FABP3: variants seen among roughly 807,000 people sequenced by gnomAD.
The protein encoded by FABP3 is fatty acid binding protein 3, also known as fatty acid-binding protein, heart.
FABP3 carries 8 observed loss-of-function variants against 13.4 expected under a neutral mutation model. The ratio of observed to expected loss-of-function variants is 0.60; its 90% confidence interval spans 0.35 to 1.07. The LOEUF (loss-of-function observed/expected upper bound fraction) is 1.07, where lower values mean the gene tolerates loss of function less well. FABP3 is among the 50% of genes least tolerant of loss of function. The pLI is 0.02. For synonymous variants in FABP3, 64 were observed against 60.0 expected (o/e 1.07, Z -0.31); for missense variants, 135 against 164.7 (o/e 0.82, Z 0.99).
At chr1:31,367,863 T>G (rs548699734) in intron 2 of FABP3, among the ~76,000 whole-genome samples, 2 of 152,238 alleles carry the variant, frequency 1.3e-5, no homozygotes, top group Non-Finnish European at 2.9e-5. Flanking sequence ...TGGGATTTAC[T>G]AGTCTATCCC....
At chr1:31,363,337 C>G (rs1406984223), downstream of FABP3, among the ~76,000 whole-genome samples, 1 of 152,156 alleles carries the variant, frequency 6.6e-6, no homozygotes, top group Non-Finnish European at 1.5e-5. Context: ...GCACCTGCCA[C>G]CACGCCTGGC....
At chr1:31,364,458 T>G, downstream of FABP3, 1 of 498,256 alleles carries the variant, frequency 2.0e-6, no homozygotes, top group South Asian at 4.3e-5. Context: ...CCAACTTCCT[T>G]CATTCAGCAG....
chr1:31,363,974 A>G (rs1459050069), downstream of FABP3: 2 of 1,586,110 alleles, frequency 1.3e-6, no homozygotes, highest in East Asian at 2.2e-5. Flanking sequence ...ATTATGTGCT[A>G]TGATTGTTAA....
At chr1:31,360,166 T>G in the FABP3 span, among the ~76,000 whole-genome samples, 1 of 136,738 alleles carries the variant, frequency 7.3e-6, no homozygotes, top group Non-Finnish European at 1.5e-5. Flanking sequence ...TGTGTGTGCG[T>G]GTTTTGTTTT....
At chr1:31,365,998 C>A in intron 3 of FABP3, 59 bp from the exon 4 acceptor site, 1 of 1,451,074 alleles carries the variant, frequency 6.9e-7, no homozygotes, top group Non-Finnish European at 9.6e-7. Context: ...TGCGAGCATT[C>A]TACCCTCCCT....
rs753162707 is a variant in FABP3, at chr1:31,367,415, A to C, written c.326T>G (p.Leu109Arg). The C allele has an allele frequency of 6.2e-7, 1 of 1,614,044 alleles. No individual in the cohort carries two copies. The highest frequency in any genetic ancestry group is 1.3e-5 in the African/African-American group (1 of 74,924). Reference sequence around the variant, plus strand: ...TACCAGGATGAGTTTTCCATCAATTAGCTCCCGCACAAGTGTGGTCTCTTG... The same window carrying C: ...TACCAGGATGAGTTTTCCATCAATTCGCTCCCGCACAAGTGTGGTCTCTTG... Reference protein sequence around the residue: ...DGQETTLVRELIDGKLILTLT... With the variant: ...DGQETTLVRERIDGKLILTLT... Residue 109 changes from leucine (L) to arginine (R), a missense_variant, in exon 3 of 4, where the codon CTA (leucine) becomes CGA (arginine). Transcript: ENST00000373713.
chr1:31,360,457 C>G (rs1324963320), downstream of FABP3, among the ~76,000 whole-genome samples: 1 of 152,242 alleles, frequency 6.6e-6, no homozygotes, highest in African/African-American at 2.4e-5. Flanking sequence ...GCGTGAGCCA[C>G]CGCAACCAGG....
chr1:31,359,677 C>G, the FABP3 span, among the ~76,000 whole-genome samples: 1 of 152,152 alleles, frequency 6.6e-6, no homozygotes, highest in African/African-American at 2.4e-5. Flanking sequence ...AATGGGTAGA[C>G]TAGCTGCTCT....
chr1:31,367,559 C>A, intron 2 of FABP3, 65 bp from the exon 3 acceptor site: 1 of 1,369,954 alleles, frequency 7.3e-7, no homozygotes, highest in South Asian at 1.2e-5. Flanking sequence ...AGGGTGGGGT[C>A]TGGACACTGG....
chr1:31,366,680 G>A (rs536853082), intron 3 of FABP3, among the ~76,000 whole-genome samples: 2 of 152,328 alleles, frequency 1.3e-5, no homozygotes, highest in East Asian at 3.9e-4. Flanking sequence ...GGGGAATTCA[G>A]TCAAGGCTAG....
At chr1:31,367,797 C>T (rs1204718879) in intron 2 of FABP3, among the ~76,000 whole-genome samples, 1 of 152,216 alleles carries the variant, frequency 6.6e-6, no homozygotes, top group Non-Finnish European at 1.5e-5. Flanking sequence ...GCCTTCAAGA[C>T]AGACACTTAT....
chr1:31,369,621 CAATG>C, intron 1 of FABP3, 64 bp from the exon 2 acceptor site: 7 of 1,484,422 alleles, frequency 4.7e-6, no homozygotes, highest in Non-Finnish European at 6.5e-6. Flanking sequence ...ACAAGAAACT[CAATG>C]AATAACTCTC....
intron 3 of FABP3, 60 bp downstream of exon 3, chr1:31,367,333 T>C: frequency 7.1e-7 from 1 of 1,398,764 alleles, no homozygotes; most frequent in Non-Finnish European, 1.0e-6. Context: ...TAGAACAGGC[T>C]TGGCTGAAAG....
chr1:31,360,380 G>T (rs143473964), downstream of FABP3, among the ~76,000 whole-genome samples: 408 of 152,340 alleles, frequency 2.7e-3, no homozygotes, highest in African/African-American at 9.7e-3. Flanking sequence ...TGTTGGTCAG[G>T]CTAGTCTCGA....
downstream of FABP3, among the ~76,000 whole-genome samples, chr1:31,360,579 A>G (rs928260036): frequency 2.0e-5 from 3 of 152,218 alleles, no homozygotes; most frequent in Non-Finnish European, 4.4e-5. Flanking sequence ...TCAGGCTGCA[A>G]AACAGCTTTT....
intron 2 of FABP3, among the ~76,000 whole-genome samples, chr1:31,368,913 T>C (rs1050863773): frequency 9.9e-5 from 15 of 152,234 alleles, no homozygotes; most frequent in Non-Finnish European, 1.9e-4. Context: ...TGCTTCTAGT[T>C]CCTGGCTGCC....
downstream of FABP3, among the ~76,000 whole-genome samples, chr1:31,360,409 T>C (rs1057264235): frequency 2.0e-5 from 3 of 152,234 alleles, no homozygotes; most frequent in African/African-American, 7.2e-5. Context: ...CCTCAGGTGA[T>C]CCACCCACCT....
intron 1 of FABP3, 58 bp from the exon 2 acceptor site, chr1:31,369,615 G>C (rs980759192): frequency 1.6e-5 from 24 of 1,518,004 alleles, no homozygotes; most frequent in Admixed American, 7.2e-5. Flanking sequence ...CAGTGTACAA[G>C]AAACTCAATG....
intron 3 of FABP3, 92 bp downstream of exon 3, chr1:31,367,301 C>G: frequency 1.9e-6 from 2 of 1,035,172 alleles, no homozygotes; most frequent in Non-Finnish European, 3.0e-6. Flanking sequence ...TTCTACAGCT[C>G]TCAGGGGAGG....
Sources: gnomAD v4.1 joint callset for allele counts (sites outside exome capture counted in the v4.1 genomes callset) on GRCh38, gnomAD v4.1.1 for gene constraint, MANE v1.5 for transcripts, NCBI Gene and HGNC (gene_info 2026-07-23, HGNC 2026-07-21) for gene names.